SSBP2: variants seen among roughly 807,000 people sequenced by gnomAD.
The protein encoded by SSBP2 is single-stranded DNA-binding protein 2.
SSBP2 carries 17 observed loss-of-function variants against 61.8 expected under a neutral mutation model. That is an observed-to-expected ratio of 0.28 (90% CI 0.19 to 0.41). The LOEUF (loss-of-function observed/expected upper bound fraction) is 0.41, where lower values mean the gene tolerates loss of function less well. SSBP2 is among the 10% of genes least tolerant of loss of function. SSBP2 has a pLI of 1.00. For missense variants in SSBP2, 310 were observed against 458.7 expected, an observed-to-expected ratio of 0.68 and a Z score of 2.96; for synonymous variants, 139 against 141.3, an observed-to-expected ratio of 0.98 and a Z score of 0.12.
chr5:81,632,985 C>T (rs954196905), intron 3 of SSBP2, among the ~76,000 whole-genome samples: 1 of 152,060 alleles, frequency 6.6e-6, no homozygotes, highest in Non-Finnish European at 1.5e-5. Context: ...GATTACTTTA[C>T]CTTGCAGTCA....
chr5:81,472,589 T>TTTTA (rs760033404), intron 8 of SSBP2, among the ~76,000 whole-genome samples: 2 of 152,184 alleles, frequency 1.3e-5, no homozygotes, highest in Admixed American at 1.3e-4. Flanking sequence ...ATCAACTGGG[T>TTTTA]TTTATTTATT....
At chr5:81,589,812 C>A (rs1384278252) in intron 4 of SSBP2, among the ~76,000 whole-genome samples, 1 of 152,000 alleles carries the variant, frequency 6.6e-6, no homozygotes, top group Non-Finnish European at 1.5e-5. Flanking sequence ...TGAGGGCCTC[C>A]TTGCTGCAAC....
At chr5:81,660,297 A>T (rs1171775486) in intron 1 of SSBP2, among the ~76,000 whole-genome samples, 1 of 152,196 alleles carries the variant, frequency 6.6e-6, no homozygotes, top group Non-Finnish European at 1.5e-5. Context: ...AGAATCTACA[A>T]GAAACTTAAA....
intron 3 of SSBP2, among the ~76,000 whole-genome samples, chr5:81,618,397 A>G (rs1460570654): frequency 1.2e-5 from 1 of 85,896 alleles, no homozygotes; most frequent in Non-Finnish European, 2.5e-5. Context: ...CAACAAGAGG[A>G]GCTAACTATC....
At chr5:81,600,779 C>A (rs1471181304) in intron 4 of SSBP2, among the ~76,000 whole-genome samples, 1 of 151,724 alleles carries the variant, frequency 6.6e-6, no homozygotes, top group Non-Finnish European at 1.5e-5. Context: ...ACACTAAATT[C>A]CTTGAAAGTG....
chr5:81,672,940 G>A (rs907984066), intron 1 of SSBP2, among the ~76,000 whole-genome samples: 3 of 151,056 alleles, frequency 2.0e-5, no homozygotes, highest in African/African-American at 4.9e-5. Context: ...AGGATAAAGC[G>A]ATTCTCACGC....
At chr5:81,668,899 T>C (rs1014461036) in intron 1 of SSBP2, among the ~76,000 whole-genome samples, 13 of 152,120 alleles carry the variant, frequency 8.5e-5, no homozygotes, top group African/African-American at 2.7e-4. Context: ...TTCCAAGTGT[T>C]CTTAAATTAA....
chr5:81,500,132 C>T (rs1231066921), intron 5 of SSBP2, among the ~76,000 whole-genome samples: 1 of 152,114 alleles, frequency 6.6e-6, no homozygotes, highest in Non-Finnish European at 1.5e-5. Flanking sequence ...TACTTATAGA[C>T]ATGAAGTTTA....
chr5:81,666,075 A>AT (rs1751109127), intron 1 of SSBP2, among the ~76,000 whole-genome samples: 1 of 152,184 alleles, frequency 6.6e-6, no homozygotes, highest in African/African-American at 2.4e-5. Flanking sequence ...GGTGTGAAAA[A>AT]TTAGAAATCT....
At chr5:81,527,923 T>C (rs1388950270) in intron 4 of SSBP2, among the ~76,000 whole-genome samples, 2 of 151,428 alleles carry the variant, frequency 1.3e-5, no homozygotes, top group African/African-American at 2.4e-5. Flanking sequence ...AAAAAAGTGT[T>C]CTAATTTAAG....
intron 5 of SSBP2, among the ~76,000 whole-genome samples, chr5:81,498,300 C>G (rs1276228028): frequency 1.3e-5 from 2 of 152,000 alleles, no homozygotes; most frequent in Non-Finnish European, 2.9e-5. Context: ...GAAATACAGC[C>G]TGGAAAAATA....
intron 1 of SSBP2, among the ~76,000 whole-genome samples, chr5:81,703,773 T>A (rs542831283): frequency 6.6e-6 from 1 of 152,346 alleles, no homozygotes; most frequent in African/African-American, 2.4e-5. Context: ...TTAGATTATC[T>A]TTCAGTTTAT....
intron 15 of SSBP2, among the ~76,000 whole-genome samples, chr5:81,430,215 T>TA (rs1762200069): frequency 6.6e-6 from 1 of 152,146 alleles, no homozygotes; most frequent in South Asian, 2.1e-4. Context: ...AATGAATTTA[T>TA]AAAAAATATT....
Position 81,483,903 on chromosome 5 carries a change from T to C in SSBP2, c.432+5347A>G, listed in dbSNP as rs180943614. Among the ~76,000 whole-genome samples, 597 of 152,308 alleles carry C rather than the reference T, an allele frequency of 3.9e-3. 2 individuals carry two copies. The highest frequency in any genetic ancestry group is 0.013 in the African/African-American group (552 of 41,586). On this transcript the variant is annotated intron_variant, in intron 6 of 16. Transcript: ENST00000320672. The stretch of plus-strand genomic sequence containing the variant: ...AAAATTAATTTAATTAAAAATTTAG[T>C]TCTTCACTCACACTAGTCCTATCTC...
At chr5:81,602,438 T>C (rs1005143309) in intron 4 of SSBP2, among the ~76,000 whole-genome samples, 1 of 152,162 alleles carries the variant, frequency 6.6e-6, no homozygotes, top group South Asian at 2.1e-4. Context: ...CTTAAGATTA[T>C]TAGAAGACCT....
intron 4 of SSBP2, among the ~76,000 whole-genome samples, chr5:81,578,720 A>G (rs2153466307): frequency 6.6e-6 from 1 of 152,176 alleles, no homozygotes; most frequent in South Asian, 2.1e-4. Context: ...GTAAATCACA[A>G]AAAGTAGACT....
At chr5:81,432,120 T>C (rs1762327195) in intron 15 of SSBP2, among the ~76,000 whole-genome samples, 1 of 152,184 alleles carries the variant, frequency 6.6e-6, no homozygotes, top group Non-Finnish European at 1.5e-5. Flanking sequence ...TTCTAGAGTG[T>C]TGTTTTGACT....
At chr5:81,551,995 G>GTA (rs1772230412) in intron 4 of SSBP2, among the ~76,000 whole-genome samples, 1 of 152,150 alleles carries the variant, frequency 6.6e-6, no homozygotes, top group Admixed American at 6.6e-5. Flanking sequence ...AGGTATCAGT[G>GTA]TATCAACTCA....
At chr5:81,445,052 G>A (rs965726325) in intron 12 of SSBP2, among the ~76,000 whole-genome samples, 2 of 149,432 alleles carry the variant, frequency 1.3e-5, no homozygotes, top group Admixed American at 1.3e-4. Context: ...GAATCCAGGA[G>A]GCTGAGCTTG....
Sources: allele counts gnomAD v4.1 joint callset (sites outside exome capture counted in the v4.1 genomes callset), GRCh38; gene constraint gnomAD v4.1.1; transcripts MANE v1.5; gene names NCBI Gene and HGNC (gene_info 2026-07-23, HGNC 2026-07-21).